The following BCAS3 variants were observed in gnomAD, a reference collection of about 807,000 sequenced individuals.
BCAS3 encodes BCAS3 microtubule associated cell migration factor.
In BCAS3, 53 loss-of-function variants were observed where a neutral mutation model predicts 116.1. The observed-to-expected ratio is 0.46, with a 90% CI of 0.37 to 0.57. BCAS3 has a LOEUF of 0.57. BCAS3 is among the 20% of genes least tolerant of loss of function. The pLI, the probability that BCAS3 is intolerant of heterozygous loss-of-function variation, is 0.00. For missense variants in BCAS3, 917 were observed against 1,165.4 expected, an observed-to-expected ratio of 0.79 and a Z score of 3.10; for synonymous variants, 391 against 408.2, an observed-to-expected ratio of 0.96 and a Z score of 0.51.
intron 5 of BCAS3, among the ~76,000 whole-genome samples, chr17:60,719,243 TGATAGCGAA>T (rs954588796): frequency 6.6e-6 from 1 of 152,190 alleles, no homozygotes; most frequent in African/African-American, 2.4e-5. Context: ...CATAAACTGG[TGATAGCGAA>T]TCGTTTGTTA....
At chr17:61,027,081 G>A (rs1333473726) in intron 16 of BCAS3, among the ~76,000 whole-genome samples, 4 of 151,042 alleles carry the variant, frequency 2.6e-5, no homozygotes, top group Admixed American at 1.3e-4. Context: ...TTAGAAAAGT[G>A]GTTTTCTTGG....
chr17:61,274,281 A>ATTTTTTTT (rs780529516), intron 22 of BCAS3, among the ~76,000 whole-genome samples: 7 of 96,240 alleles, frequency 7.3e-5, no homozygotes, highest in Non-Finnish European at 8.2e-5. Context: ...AAATCTTTGA[A>ATTTTTTTT]TTTTTTTTTT....
intron 22 of BCAS3, among the ~76,000 whole-genome samples, chr17:61,329,210 C>T (rs963932667): frequency 1.3e-5 from 2 of 151,144 alleles, no homozygotes; most frequent in African/African-American, 2.4e-5. Context: ...CTAAGGGCAC[C>T]GATCCTATCA....
intron 22 of BCAS3, among the ~76,000 whole-genome samples, chr17:61,089,507 C>CGCTTT: frequency 2.2e-5 from 1 of 44,678 alleles, no homozygotes; most frequent in South Asian, 1.0e-3. Flanking sequence ...CGGAGTTTCA[C>CGCTTT]TCTTTTTTTT....
chr17:60,734,080 C>T (rs1261649106), intron 5 of BCAS3, among the ~76,000 whole-genome samples: 1 of 152,146 alleles, frequency 6.6e-6, no homozygotes, highest in Non-Finnish European at 1.5e-5. Context: ...TCACTATACC[C>T]AGTATCATCT....
At chr17:61,005,554 T>C (rs1354271116) in intron 15 of BCAS3, among the ~76,000 whole-genome samples, 1 of 152,058 alleles carries the variant, frequency 6.6e-6, no homozygotes, top group Non-Finnish European at 1.5e-5. Context: ...CTGAAGGAAA[T>C]GCATCTTTGA....
intron 22 of BCAS3, among the ~76,000 whole-genome samples, chr17:61,089,691 C>T (rs550696480): frequency 2.4e-4 from 36 of 151,560 alleles, no homozygotes; most frequent in African/African-American, 7.7e-4. Context: ...CCACCACGCC[C>T]GGCTAATTTT....
rs1172133715 is a variant in BCAS3, at chr17:61,196,549, A to G, written c.2425+111985A>G. Among the ~76,000 whole-genome samples, 5 of 152,236 alleles carry G rather than the reference A, an allele frequency of 3.3e-5. No homozygotes were observed. Among genetic ancestry groups the G allele is most frequent in the African/African-American group, 1.2e-4 (5 of 41,466 alleles). On this transcript the variant is annotated intron_variant, in intron 22 of 23. Transcript: ENST00000407086. This position sits in a 1 kb window ranked among gnomAD's most constrained non-coding sequence, Gnocchi z 4.7. Reference sequence around the variant, plus strand: ...CTGGGAAGGGTTGGAAGTAGCCCCAAGGCTGGTTAGTCCCCTTCCAGATGG... The same window carrying G: ...CTGGGAAGGGTTGGAAGTAGCCCCAGGGCTGGTTAGTCCCCTTCCAGATGG...
chr17:60,735,697 A>G (rs770868870), intron 5 of BCAS3, among the ~76,000 whole-genome samples: 20 of 151,864 alleles, frequency 1.3e-4, no homozygotes, highest in Admixed American at 3.3e-4. Flanking sequence ...CAAGCGATCC[A>G]CTCACCTCTA....
At chr17:61,119,761 T>TTC (rs1314776344) in intron 22 of BCAS3, among the ~76,000 whole-genome samples, 1 of 151,940 alleles carries the variant, frequency 6.6e-6, no homozygotes, top group East Asian at 1.9e-4. Context: ...ACTTAGAAAA[T>TTC]TCAAGAGCAT....
intron 22 of BCAS3, among the ~76,000 whole-genome samples, chr17:61,311,718 C>T (rs184984618): frequency 6.6e-6 from 1 of 152,238 alleles, no homozygotes; most frequent in East Asian, 1.9e-4. Context: ...CACAGTGAAA[C>T]CCTGTCTCTA....
intron 19 of BCAS3, among the ~76,000 whole-genome samples, chr17:61,058,839 G>T (rs537931558): frequency 6.6e-6 from 1 of 152,194 alleles, no homozygotes; most frequent in South Asian, 2.1e-4. Context: ...TGATATAATT[G>T]ACGTTTGGGG....
chr17:61,048,346 C>T (rs1446599059), intron 19 of BCAS3, among the ~76,000 whole-genome samples: 1 of 151,924 alleles, frequency 6.6e-6, no homozygotes, highest in Non-Finnish European at 1.5e-5. Context: ...GAATGAAGGA[C>T]AATGATCCCT....
At chr17:60,923,979 C>T (rs889497984) in intron 12 of BCAS3, among the ~76,000 whole-genome samples, 1 of 152,122 alleles carries the variant, frequency 6.6e-6, no homozygotes, top group Non-Finnish European at 1.5e-5. Context: ...GTTGTTTCCC[C>T]CCCATTCTTA....
intron 14 of BCAS3, among the ~76,000 whole-genome samples, chr17:60,975,345 G>C (rs932787403): frequency 6.6e-6 from 1 of 152,200 alleles, no homozygotes; most frequent in African/African-American, 2.4e-5. Context: ...AATGAGCCAC[G>C]ATAGGCACAG....
Position 61,045,878 on chromosome 17 carries a change from TATATATTATATATATA to T in BCAS3, c.2029+4993_2029+5008del, listed in dbSNP as rs1374430461. ...ATATATATATATAAATATATATAAA[TATATATTATATATATA>T]ATATATATAAATATATATTTATATA... On this transcript the variant is annotated intron_variant, in intron 19 of 23. Transcript: ENST00000407086. 1.9e-4 allele frequency among the ~76,000 whole-genome samples: 9 copies of T among 46,810 alleles called. No individual in the cohort carries two copies. In the African/African-American group the frequency reaches 1.9e-3, roughly 10 times the overall value. 30.7% of individuals were successfully genotyped at this position (46,810 alleles called of 152,430 possible).
At chr17:60,880,859 G>C (rs964279215) in intron 9 of BCAS3, among the ~76,000 whole-genome samples, 5 of 151,998 alleles carry the variant, frequency 3.3e-5, no homozygotes, top group African/African-American at 1.2e-4. Context: ...ATACTGAGTG[G>C]TAATATTTTA....
intron 5 of BCAS3, among the ~76,000 whole-genome samples, chr17:60,740,429 G>T (rs1272204950): frequency 6.7e-6 from 1 of 150,100 alleles, no homozygotes; most frequent in Non-Finnish European, 1.5e-5. Flanking sequence ...GCCCAGGGGG[G>T]CCGAGGCAGC....
At chr17:60,954,424 A>T (rs1261030656) in intron 14 of BCAS3, among the ~76,000 whole-genome samples, 3 of 152,148 alleles carry the variant, frequency 2.0e-5, no homozygotes, top group Non-Finnish European at 4.4e-5. Context: ...TGCAAAAAAA[A>T]AATTCCACCA....
Sources: allele counts gnomAD v4.1 joint callset (sites outside exome capture counted in the v4.1 genomes callset), GRCh38; gene constraint gnomAD v4.1.1; non-coding constraint Gnocchi (gnomAD v3.1); transcripts MANE v1.5; gene names NCBI Gene and HGNC (gene_info 2026-07-23, HGNC 2026-07-21).